RBFOX1: variants seen among roughly 807,000 people sequenced by gnomAD.
RBFOX1 encodes RNA binding protein fox-1 homolog 1.
Under a neutral mutation model 57.7 loss-of-function variants are expected in RBFOX1, and 8 were observed. The observed-to-expected ratio is 0.14, with a 90% CI of 0.08 to 0.25. The LOEUF is 0.25. RBFOX1 is among the 10% of genes least tolerant of loss of function. The pLI, the probability that RBFOX1 is intolerant of heterozygous loss-of-function variation, is 1.00. For missense variants in RBFOX1, 611 were observed against 548.5 expected (o/e 1.11, Z -1.14); for synonymous variants, 326 against 222.4 (o/e 1.47, Z -4.15).
intron 4 of RBFOX1, among the ~76,000 whole-genome samples, chr16:5,985,586 G>C (rs1460175379): frequency 6.6e-6 from 1 of 152,206 alleles, no homozygotes; most frequent in African/African-American, 2.4e-5. Flanking sequence ...TCCAAGGCTA[G>C]AAGCCAGGAC....
Position 5,381,480 on chromosome 16 carries a change from TGCATTTCTA to T in RBFOX1, c.220-85732_220-85724del, listed in dbSNP as rs113221709. On this transcript the variant is annotated intron_variant, in intron 1 of 2. Coordinates refer to the RBFOX1 transcript ENST00000585867. The stretch of plus-strand genomic sequence containing the variant: ...AGGTCTGGGGCAGGGCTCAAGATTC[TGCATTTCTA>T]GCAAGCTCCCTGGTGAAGCTGAGGC... 1.6e-3 allele frequency among the ~76,000 whole-genome samples: 249 copies of T among 152,290 alleles called. 3 individuals carry two copies. Among genetic ancestry groups the T allele is most frequent in the African/African-American group, 5.6e-3 (234 of 41,574 alleles).
intron 3 of RBFOX1, among the ~76,000 whole-genome samples, chr16:6,860,206 A>T (rs747824952): frequency 6.6e-6 from 1 of 152,324 alleles, no homozygotes. Flanking sequence ...AATTCATTCA[A>T]CAATATATAT....
intron 4 of RBFOX1, among the ~76,000 whole-genome samples, chr16:7,452,129 G>T (rs553444534): frequency 6.6e-6 from 1 of 152,164 alleles, no homozygotes; most frequent in Non-Finnish European, 1.5e-5. Flanking sequence ...ATGAAACAGA[G>T]GAACATCACT....
At chr16:6,023,973 A>C (rs1452757863) in intron 1 of RBFOX1, among the ~76,000 whole-genome samples, 1 of 152,226 alleles carries the variant, frequency 6.6e-6, no homozygotes, top group Non-Finnish European at 1.5e-5. Context: ...GATGATGTCA[A>C]CTGTGAACAC....
chr16:6,401,676 C>G (rs148782276), intron 2 of RBFOX1, among the ~76,000 whole-genome samples: 2 of 152,258 alleles, frequency 1.3e-5, no homozygotes, highest in African/African-American at 2.4e-5. Flanking sequence ...GCCACTATTG[C>G]TGTTCCCAGA....
intron 4 of RBFOX1, among the ~76,000 whole-genome samples, chr16:7,197,500 G>A (rs1260380195): frequency 2.1e-5 from 3 of 145,240 alleles, no homozygotes; most frequent in Non-Finnish European, 3.0e-5. Context: ...CACAGATAGT[G>A]TAAAACTGTG....
intron 3 of RBFOX1, among the ~76,000 whole-genome samples, chr16:6,792,615 C>G (rs1321448016): frequency 6.6e-6 from 1 of 152,182 alleles, no homozygotes; most frequent in Non-Finnish European, 1.5e-5. Flanking sequence ...TTGCAAAAAG[C>G]CTTCATGTAA....
At chr16:6,002,796 G>C (rs1428728588) in intron 4 of RBFOX1, among the ~76,000 whole-genome samples, 2 of 152,210 alleles carry the variant, frequency 1.3e-5, no homozygotes, top group African/African-American at 4.8e-5. Flanking sequence ...ATAGTAAATT[G>C]ATTGAGTTAG....
intron 3 of RBFOX1, among the ~76,000 whole-genome samples, chr16:6,822,985 C>G (rs1603629018): frequency 6.6e-6 from 1 of 152,330 alleles, no homozygotes; most frequent in Non-Finnish European, 1.5e-5. Flanking sequence ...CTAACAGCTT[C>G]TCAACGTGTA....
intron 2 of RBFOX1, among the ~76,000 whole-genome samples, chr16:5,545,223 C>G (rs578179152): frequency 2.2e-4 from 33 of 152,256 alleles, no homozygotes; most frequent in Admixed American, 5.9e-4. Context: ...GGTGATCCAA[C>G]CGCCTTGGCC....
intron 3 of RBFOX1, among the ~76,000 whole-genome samples, chr16:6,888,174 T>A (rs1324767219): frequency 6.6e-6 from 1 of 152,156 alleles, no homozygotes; most frequent in Non-Finnish European, 1.5e-5. Context: ...GTTGTGACAT[T>A]TTGAACATTT....
chr16:7,549,962 C>G (rs1218538288), intron 5 of RBFOX1, among the ~76,000 whole-genome samples: 1 of 152,044 alleles, frequency 6.6e-6, no homozygotes, highest in East Asian at 1.9e-4. Context: ...CAGGGTTTTA[C>G]TCTGTCACTT....
At chr16:7,614,893 A>T (rs919538824) in intron 10 of RBFOX1, 1 of 152,222 alleles carries the variant, frequency 6.6e-6, no homozygotes, top group African/African-American at 2.4e-5. Flanking sequence ...CAGAACTACC[A>T]TGTGAAAAAT....
chr16:7,102,052 C>T (rs952595433), intron 4 of RBFOX1, among the ~76,000 whole-genome samples: 1 of 152,206 alleles, frequency 6.6e-6, no homozygotes, highest in Non-Finnish European at 1.5e-5. Context: ...CCATGCTGGG[C>T]TGGCCCCACC....
chr16:5,918,708 C>A (rs140397028), intron 4 of RBFOX1, among the ~76,000 whole-genome samples: 2 of 152,192 alleles, frequency 1.3e-5, no homozygotes, highest in Non-Finnish European at 2.9e-5. Flanking sequence ...TCCAGAGTTA[C>A]AAAGTACCCA....
chr16:6,124,759 C>T (rs2096576904), intron 1 of RBFOX1, among the ~76,000 whole-genome samples: 1 of 152,096 alleles, frequency 6.6e-6, no homozygotes, highest in South Asian at 2.1e-4. Flanking sequence ...AACTCCTGAC[C>T]TCAAGTGATC....
At chr16:7,277,950 A>G (rs985665371) in intron 4 of RBFOX1, among the ~76,000 whole-genome samples, 6 of 29,548 alleles carry the variant, frequency 2.0e-4, no homozygotes, top group African/African-American at 3.8e-4. Context: ...ATGATTAGCA[A>G]AAAAAAAAAA....
chr16:6,953,350 A>G (rs2081146587), intron 3 of RBFOX1, among the ~76,000 whole-genome samples: 2 of 150,582 alleles, frequency 1.3e-5, no homozygotes, highest in Admixed American at 1.3e-4. Flanking sequence ...TAACATAGAG[A>G]TCACAATGTT....
At chr16:6,519,285 A>G (rs17140464) in intron 2 of RBFOX1, among the ~76,000 whole-genome samples, 3,756 of 152,254 alleles carry the variant, frequency 0.025, 179 homozygotes, top group African/African-American at 0.085. Flanking sequence ...TGAAATGAGA[A>G]TAGTCAGGTG....
Sources: gnomAD v4.1 joint callset for allele counts (sites outside exome capture counted in the v4.1 genomes callset) on GRCh38, gnomAD v4.1.1 for gene constraint, MANE v1.5 for transcripts, NCBI Gene and HGNC (gene_info 2026-07-23, HGNC 2026-07-21) for gene names.